PLCG1: variants seen among roughly 807,000 people sequenced by gnomAD.
PLCG1 encodes the protein phospholipase C gamma 1.
PLCG1 carries 71 observed loss-of-function variants against 177.8 expected under a neutral mutation model. The ratio of observed to expected loss-of-function variants is 0.40; its 90% CI spans 0.33 to 0.49. PLCG1 has a LOEUF of 0.49. PLCG1 is among the 20% of genes least tolerant of loss of function. The probability of loss-of-function intolerance (pLI) is 0.72; values close to 1 mark genes in which losing one functional copy is unlikely to be tolerated. For synonymous variants in PLCG1, 658 were observed against 647.9 expected (o/e 1.02, Z -0.24); for missense variants, 1,281 against 1,709.0 (o/e 0.75, Z 4.42).
At chr20:41,154,312 A>G (rs1402276185) in intron 1 of PLCG1, among the ~76,000 whole-genome samples, 1 of 152,242 alleles carries the variant, frequency 6.6e-6, no homozygotes, top group Non-Finnish European at 1.5e-5. Context: ...GGTTCCAACA[A>G]GAAACTTAGG....
rs148020473 is a variant in PLCG1, at chr20:41,173,711, C to A, written c.3454C>A (p.Pro1152Thr). ...GCCCTTCCACTTCCAGATCAGTAAC[C>A]CTGAATTTGCCTTTCTGCGCTTCGT... Reference protein sequence around the residue: ...AKPFHFQISNPEFAFLRFVVY... With the variant: ...AKPFHFQISNTEFAFLRFVVY... The change falls in exon 29 of 32, where the codon CCT (proline) becomes ACT (threonine). Residue 1152 changes from proline (P) to threonine (T), a missense_variant. This residue lies in a region of PLCG1 where 723 missense variants were observed against 1,030.0 expected (regional missense o/e 0.70). Coordinates refer to ENST00000685551, the MANE Select transcript of PLCG1 (RefSeq NM_002660.3). The surrounding 1 kb of genome is among the most constrained non-coding windows in gnomAD (Gnocchi z 6.2). 4 of 1,614,118 alleles carry A rather than the reference C, an allele frequency of 2.5e-6. No homozygotes were observed. Among genetic ancestry groups the A allele is most frequent in the Non-Finnish European group, 3.4e-6 (4 of 1,180,014 alleles).
rs1341551918 is a variant in PLCG1, at chr20:41,151,834, C to T, written c.218-7772C>T. 1.3e-5 allele frequency among the ~76,000 whole-genome samples: 2 copies of T among 152,182 alleles called. No homozygotes were observed. Among genetic ancestry groups the T allele is most frequent in the Admixed American group, 6.5e-5 (1 of 15,280 alleles). ...TTCTTTGGCTACCTCCATCCTTTTC[C>T]TTCAGAGCTGCAAAAACCTTGCCAA... On this transcript the variant is annotated intron_variant, in intron 1 of 31. Coordinates refer to ENST00000685551, the MANE Select transcript of PLCG1 (RefSeq NM_002660.3). This position sits in a 1 kb window ranked among gnomAD's most constrained non-coding sequence, Gnocchi z 5.5.
rs1222416318 is a variant in PLCG1 at position 41,160,085 on chromosome 20, AC to A, written c.465-19del. 4 of 1,613,718 alleles carry A rather than the reference AC, an allele frequency of 2.5e-6. No homozygotes were observed. The Admixed American group carries it at 5.0e-5, about 20-fold the overall frequency. On this transcript the variant is annotated intron_variant, in intron 3 of 31. Coordinates refer to ENST00000685551, the MANE Select transcript of PLCG1 (RefSeq NM_002660.3). The surrounding 1 kb of genome is among the most constrained non-coding windows in gnomAD (Gnocchi z 5.5). ...GACTGTAGATGGAGAAGTGGCCCTCACCTCAGGCTTCTCTCTCCAGGTGGCT... is the reference window on the plus strand; with the variant it reads ...GACTGTAGATGGAGAAGTGGCCCTCACTCAGGCTTCTCTCTCCAGGTGGCT...
rs781355755 is a variant in PLCG1 at position 41,172,340 on chromosome 20, G to C, written c.2905+51G>C. 6.3e-7 allele frequency: 1 copy of C among 1,577,746 alleles called. No homozygotes were observed. Among genetic ancestry groups the C allele is most frequent in the South Asian group, 1.1e-5 (1 of 90,354 alleles). On this transcript the variant is annotated intron_variant, in intron 25 of 31. Coordinates refer to ENST00000685551, the MANE Select transcript of PLCG1 (RefSeq NM_002660.3). The surrounding 1 kb of genome is among the most constrained non-coding windows in gnomAD (Gnocchi z 7.0). ...GTGCATGTGCCTGGAGGGCCTGGTG[G>C]GTGCAAAAAGAGTATTTAGGTATCC... is the stretch of plus-strand genomic sequence containing the variant.
rs139376865 is a variant in PLCG1, at chr20:41,147,090, G to A, written c.217+9232G>A. ...TATGGTCACCCTATTCTGCCTGATA[G>A]TCCACCACCTGTTTGGAGGCAGCTC... On this transcript the variant is annotated intron_variant, in intron 1 of 31. Coordinates refer to ENST00000685551, the MANE Select transcript of PLCG1 (RefSeq NM_002660.3). The surrounding 1 kb of genome is among the most constrained non-coding windows in gnomAD (Gnocchi z 4.0). 6.6e-6 allele frequency among the ~76,000 whole-genome samples: 1 copy of A among 152,244 alleles called. No individual in the cohort carries two copies. The highest frequency in any genetic ancestry group is 6.5e-5 in the Admixed American group (1 of 15,294).
Position 41,146,346 on chromosome 20 carries a change from G to C in PLCG1, c.217+8488G>C, listed in dbSNP as rs1600635770. On this transcript the variant is annotated intron_variant, in intron 1 of 31. Coordinates refer to ENST00000685551, the MANE Select transcript of PLCG1 (RefSeq NM_002660.3). This position sits in a 1 kb window ranked among gnomAD's most constrained non-coding sequence, Gnocchi z 6.3. ...GCCTAAAGTGCTGTAGGCTGGGCCT[G>C]AGGGCCAAGATGGAATCGCTTTTCT... Among the ~76,000 whole-genome samples the C allele has an allele frequency of 6.6e-6, 1 of 152,242 alleles. No homozygotes were observed. The highest frequency in any genetic ancestry group is 1.9e-4 in the East Asian group (1 of 5,202).
rs1167633788 is a variant in PLCG1, at chr20:41,151,694, C to G, written c.218-7912C>G. On this transcript the variant is annotated intron_variant, in intron 1 of 31. Transcript: ENST00000685551. The surrounding 1 kb of genome is among the most constrained non-coding windows in gnomAD (Gnocchi z 5.5). ...TGAGAGGGAGAGGAGAACTCTCACC[C>G]TTTCCACAGGCTTTGGGCATATGCA... Among the ~76,000 whole-genome samples, 1 of 152,196 alleles carries G rather than the reference C, an allele frequency of 6.6e-6. No homozygotes were observed. The highest frequency in any genetic ancestry group is 6.5e-5 in the Admixed American group (1 of 15,288).
Position 41,162,680 on chromosome 20 carries a change from G to A in PLCG1, c.636G>A (p.Gln212=), listed in dbSNP as rs2035550602. The change falls in exon 6 of 32, where the codon CAG becomes CAA. Residue 212 remains glutamine (Q), a synonymous_variant. Transcript: ENST00000685551. ...EQRSGDITYG[Q]FAQLYRSLMY... is the part of the protein sequence containing the mutation. ...GCAGCGGGGACATCACCTACGGGCAGTTTGCTCAGCTGTACCGCAGCCTCA... is the reference window on the plus strand; with the variant it reads ...GCAGCGGGGACATCACCTACGGGCAATTTGCTCAGCTGTACCGCAGCCTCA... The A allele has an allele frequency of 3.1e-6, 5 of 1,614,028 alleles. No individual in the cohort carries two copies. Among genetic ancestry groups the A allele is most frequent in the Non-Finnish European group, 4.2e-6 (5 of 1,179,972 alleles).
Position 41,166,384 on chromosome 20 carries a change from G to T in PLCG1, c.1990G>T (p.Glu664Ter), listed in dbSNP as rs2035693750. The T allele has an allele frequency of 6.2e-7, 1 of 1,613,972 alleles. No individual in the cohort carries two copies. Among genetic ancestry groups the T allele is most frequent in the Admixed American group, 1.7e-5 (1 of 60,004 alleles). ...SEPVPQTNAHESKEWYHASLT... is the reference protein window; with the variant it reads ...SEPVPQTNAH ...GCCTGTCCCACAGACCAACGCCCAC[G>T]AGAGCAAAGAGTGAGGGAAGGGCCT... The change falls in exon 17 of 32, where the codon GAG (glutamate) becomes TAG (stop). Residue 664 changes from glutamate to a stop codon, truncating the protein, a stop_gained. Coordinates refer to ENST00000685551, the MANE Select transcript of PLCG1 (RefSeq NM_002660.3). LOFTEE classifies it high-confidence loss of function. The surrounding 1 kb of genome is among the most constrained non-coding windows in gnomAD (Gnocchi z 8.6).
chr20:41,137,694 C>T lies in PLCG1; in HGVS notation c.53C>T (p.Ser18Leu), dbSNP rs1388068258. Reference sequence around the variant, plus strand: ...AACGGCTGCGGGCCCGGCGCGCCCTCGGACGCCGAGGTGCTGCACCTCTGC... The same window carrying T: ...AACGGCTGCGGGCCCGGCGCGCCCTTGGACGCCGAGGTGCTGCACCTCTGC... ...CANGCGPGAP[S>L]DAEVLHLCRS... Residue 18 changes from serine to leucine, a missense_variant, in exon 1 of 32, where the codon TCG (serine) becomes TTG (leucine). Around this residue, in one of 4 missense-constraint regions of PLCG1, gnomAD observed 374 missense variants for 443.8 expected, o/e 0.84. Coordinates refer to ENST00000685551, the MANE Select transcript of PLCG1 (RefSeq NM_002660.3). The surrounding 1 kb of genome is among the most constrained non-coding windows in gnomAD (Gnocchi z 7.3). 2.3e-6 allele frequency: 3 copies of T among 1,318,510 alleles called. No individual in the cohort carries two copies. Among genetic ancestry groups the T allele is most frequent in the South Asian group, 2.4e-5 (1 of 41,624 alleles). The allele number at this position is 1,318,510 out of a possible 1,614,324, so 81.7% of individuals were successfully genotyped here. A position where few individuals can be genotyped will look rare whatever the true frequency, so the allele number is the denominator to read the frequency against.
Position 41,157,445 on chromosome 20 carries a change from C to T in PLCG1, c.218-2161C>T, listed in dbSNP as rs754920506. Among the ~76,000 whole-genome samples, 1 of 152,168 alleles carries T rather than the reference C, an allele frequency of 6.6e-6. No homozygotes were observed. Among genetic ancestry groups the T allele is most frequent in the African/African-American group, 2.4e-5 (1 of 41,436 alleles). ...GTTAGGTCTTTTATGGCCCAGTTCTCCCTGCCCCTGTTTCTACCCGAGTAT... is the reference window on the plus strand; with the variant it reads ...GTTAGGTCTTTTATGGCCCAGTTCTTCCTGCCCCTGTTTCTACCCGAGTAT... On this transcript the variant is annotated intron_variant, in intron 1 of 31. Transcript: ENST00000685551. The surrounding 1 kb of genome is among the most constrained non-coding windows in gnomAD (Gnocchi z 5.4).
Position 41,172,425 on chromosome 20 carries a change from T to A in PLCG1, c.2910T>A (p.Ile970=). 1 of 1,613,956 alleles carries A rather than the reference T, an allele frequency of 6.2e-7. No individual in the cohort carries two copies. ...CRPVPFDEEK[I]GTERACYRDM... ...TGTTTTCCCTGTTTGGCCCAGAGAT[T>A]GGCACAGAACGTGCTTGCTACCGGG... is the stretch of plus-strand genomic sequence containing the variant. Residue 970 remains isoleucine, a synonymous_variant, in exon 26 of 32, where the codon ATT becomes ATA. Transcript: ENST00000685551. The surrounding 1 kb of genome is among the most constrained non-coding windows in gnomAD (Gnocchi z 7.0).
Position 41,144,491 on chromosome 20 carries a change from C to T in PLCG1, c.217+6633C>T, listed in dbSNP as rs939764782. ...CACCGGTGTCGAGATGCTTGGCCCA[C>T]CCAGACCTTTCCCACACTCCTACAT... On this transcript the variant is annotated intron_variant, in intron 1 of 31. Transcript: ENST00000685551. This position sits in a 1 kb window ranked among gnomAD's most constrained non-coding sequence, Gnocchi z 4.1. 6.6e-6 allele frequency among the ~76,000 whole-genome samples: 1 copy of T among 152,170 alleles called. No homozygotes were observed. The highest frequency in any genetic ancestry group is 2.4e-5 in the African/African-American group (1 of 41,456).
Position 41,164,284 on chromosome 20 carries a change from C to T in PLCG1, c.1217+83C>T, listed in dbSNP as rs2035610041. On this transcript the variant is annotated intron_variant, in intron 12 of 31. Coordinates refer to ENST00000685551, the MANE Select transcript of PLCG1 (RefSeq NM_002660.3). The surrounding 1 kb of genome is among the most constrained non-coding windows in gnomAD (Gnocchi z 6.4). ...AGGGACAGAGGGCAGAAAGACTCCT[C>T]AAATGCCCTGTCCCCTCTCCCTCAG... 6.5e-6 allele frequency: 9 copies of T among 1,385,566 alleles called. No individual in the cohort carries two copies. The South Asian group carries it at 9.5e-5, about 15-fold the overall frequency. The allele number at this position is 1,385,566 out of a possible 1,614,324, so 85.8% of individuals were successfully genotyped here. A position where few individuals can be genotyped will look rare whatever the true frequency, so the allele number is the denominator to read the frequency against.
intron 4 of PLCG1, among the ~76,000 whole-genome samples, chr20:41,161,761 C>T (rs372804537): frequency 2.0e-5 from 3 of 151,830 alleles, no homozygotes; most frequent in Non-Finnish European, 4.4e-5. Flanking sequence ...AAAGCCCCCC[C>T]CTTCCCCCTT....
chr20:41,169,419 T>C (rs2035820484), intron 22 of PLCG1, 38 bp from the exon 23 acceptor site: 1 of 1,490,632 alleles, frequency 6.7e-7, no homozygotes, highest in East Asian at 2.3e-5. Flanking sequence ...ACATATGCAG[T>C]AGCCATGCTG....
intron 24 of PLCG1, among the ~76,000 whole-genome samples, chr20:41,171,483 A>T (rs2035892973): frequency 6.8e-6 from 1 of 147,618 alleles, no homozygotes; most frequent in Non-Finnish European, 1.5e-5. Flanking sequence ...GCTACTCGGG[A>T]GGCTGAGGCA....
chr20:41,167,011 AC>A lies in PLCG1; in HGVS notation c.2301+154del. ...TCCAGCTGGGAGCCACAGTGTGGGTACCAGGAGGGTGTCTGCAGGAGGGGAC... is the reference window on the plus strand; with the variant it reads ...TCCAGCTGGGAGCCACAGTGTGGGTACAGGAGGGTGTCTGCAGGAGGGGAC... On this transcript the variant is annotated intron_variant, in intron 19 of 31. Transcript: ENST00000685551. This position sits in a 1 kb window ranked among gnomAD's most constrained non-coding sequence, Gnocchi z 4.4. 1 of 688,654 alleles carries A rather than the reference AC, an allele frequency of 1.5e-6. No homozygotes were observed. The highest frequency in any genetic ancestry group is 2.5e-6 in the Non-Finnish European group (1 of 394,844). 42.7% of individuals were successfully genotyped at this position (688,654 alleles called of 1,614,324 possible).
At position 41,172,662 on chromosome 20, in the gene PLCG1, TGA is replaced by T. The variant is rs1218652600; in HGVS notation, c.3130+19_3130+20del. The T allele has an allele frequency of 6.2e-7, 1 of 1,612,616 alleles. No individual in the cohort carries two copies. Among genetic ancestry groups the T allele is most frequent in the Non-Finnish European group, 8.5e-7 (1 of 1,178,978 alleles). Reference sequence around the variant, plus strand: ...AGACCCCTGGTGAGGAAGTCCCCTGTGAGGAGGGTGAGGAGGGGCACTGTGGG... The same window carrying T: ...AGACCCCTGGTGAGGAAGTCCCCTGTGGAGGGTGAGGAGGGGCACTGTGGG... On this transcript the variant is annotated intron_variant, in intron 26 of 31. Coordinates refer to ENST00000685551, the MANE Select transcript of PLCG1 (RefSeq NM_002660.3). This position sits in a 1 kb window ranked among gnomAD's most constrained non-coding sequence, Gnocchi z 7.0.
Sources: allele counts gnomAD v4.1 joint callset (sites outside exome capture counted in the v4.1 genomes callset), GRCh38; gene constraint gnomAD v4.1.1; regional missense constraint gnomAD v4.1.1; non-coding constraint Gnocchi (gnomAD v3.1); transcripts MANE v1.5; gene names NCBI Gene and HGNC (gene_info 2026-07-23, HGNC 2026-07-21).